NAALADL2: variants seen among roughly 807,000 people sequenced by gnomAD.
NAALADL2 encodes the protein N-acetylated alpha-linked acidic dipeptidase like 2.
A neutral mutation model predicts 87.2 loss-of-function variants in NAALADL2; 76 were observed. That is an observed-to-expected ratio of 0.87 (90% CI 0.72 to 1.05). The LOEUF (loss-of-function observed/expected upper bound fraction) is 1.05, where lower values mean the gene tolerates loss of function less well. NAALADL2 is among the 50% of genes least tolerant of loss of function. The pLI is 0.00. For synonymous variants in NAALADL2, 354 were observed against 331.0 expected (o/e 1.07, Z -0.75); for missense variants, 1,089 against 945.8 (o/e 1.15, Z -1.99).
chr3:175,078,582 C>T (rs180794659), intron 1 of NAALADL2, among the ~76,000 whole-genome samples: 2 of 152,132 alleles, frequency 1.3e-5, no homozygotes, highest in South Asian at 4.1e-4. Context: ...TACACTGTCA[C>T]TCCCCAATTT....
chr3:175,169,706 T>G (rs1025898555), intron 2 of NAALADL2, among the ~76,000 whole-genome samples: 2 of 151,764 alleles, frequency 1.3e-5, no homozygotes, highest in African/African-American at 2.4e-5. Flanking sequence ...TACTGCCAGT[T>G]TGGAAATATC....
chr3:175,530,890 AAAC>A (rs1734005605), intron 9 of NAALADL2, among the ~76,000 whole-genome samples: 1 of 152,200 alleles, frequency 6.6e-6, no homozygotes. Flanking sequence ...ACCCATAGTC[AAAC>A]ATTTAGTTTC....
chr3:175,488,680 C>T (rs1180401837), intron 9 of NAALADL2, among the ~76,000 whole-genome samples: 1 of 152,160 alleles, frequency 6.6e-6, no homozygotes, highest in Non-Finnish European at 1.5e-5. Context: ...TGAGATTGTG[C>T]TAAGGCCATA....
intron 5 of NAALADL2, among the ~76,000 whole-genome samples, chr3:175,360,965 C>G (rs1049881694): frequency 2.6e-5 from 4 of 151,670 alleles, no homozygotes; most frequent in Admixed American, 2.6e-4. Context: ...GTGTGCTGCA[C>G]CCATTAACTC....
At chr3:174,996,998 GT>G (rs1747566295) in intron 1 of NAALADL2, among the ~76,000 whole-genome samples, 2 of 48,724 alleles carry the variant, frequency 4.1e-5, no homozygotes, top group Non-Finnish European at 6.6e-5. Context: ...CAAGGGGTGT[GT>G]GTGTGTGTGT....
intron 2 of NAALADL2, among the ~76,000 whole-genome samples, chr3:175,202,823 C>G (rs1411237086): frequency 6.6e-6 from 1 of 152,000 alleles, no homozygotes. Context: ...AGTGAGGTTC[C>G]TATGTCAATG....
At chr3:174,894,992 A>C (rs569380031) in intron 1 of NAALADL2, among the ~76,000 whole-genome samples, 3 of 152,286 alleles carry the variant, frequency 2.0e-5, no homozygotes, top group South Asian at 2.1e-4. Context: ...TGATAATGAA[A>C]ATACAACATA....
At chr3:175,592,626 A>C (rs1295483838) in intron 10 of NAALADL2, among the ~76,000 whole-genome samples, 1 of 151,726 alleles carries the variant, frequency 6.6e-6, no homozygotes, top group Non-Finnish European at 1.5e-5. Context: ...ATTCTCAGTA[A>C]ACTATAGCAA....
Position 175,384,543 on chromosome 3 carries a change from G to A in NAALADL2, c.1090+60218G>A, listed in dbSNP as rs541264057. On this transcript the variant is annotated intron_variant, in intron 5 of 13. Coordinates refer to ENST00000454872, the MANE Select transcript of NAALADL2 (RefSeq NM_207015.3). ...ACTCATTGGATAACAAGAAAAAGTA[G>A]TCATACACTTTAGGCTTATATTTTG... Among the ~76,000 whole-genome samples the A allele has an allele frequency of 3.0e-3, 453 of 151,954 alleles. 1 individual carries two copies. Among genetic ancestry groups the A allele is most frequent in the Non-Finnish European group, 5.0e-3 (339 of 67,890 alleles).
intron 10 of NAALADL2, among the ~76,000 whole-genome samples, chr3:175,600,639 GC>G (rs1344911639): frequency 2.2e-5 from 3 of 137,374 alleles, no homozygotes; most frequent in African/African-American, 8.0e-5. Flanking sequence ...CCAGGTTCAC[GC>G]CATTCTCCTG....
chr3:175,217,871 A>G lies in NAALADL2; in HGVS notation c.546-16060A>G, dbSNP rs894901860. Among the ~76,000 whole-genome samples, 2 of 152,208 alleles carry G rather than the reference A, an allele frequency of 1.3e-5. 1 individual carries two copies. The highest frequency in any genetic ancestry group is 4.8e-5 in the African/African-American group (2 of 41,472). On this transcript the variant is annotated intron_variant, in intron 2 of 13. Coordinates refer to ENST00000454872, the MANE Select transcript of NAALADL2 (RefSeq NM_207015.3). The stretch of plus-strand genomic sequence containing the variant: ...ATTGGGGTTTGTGTTTGTTAGGAAC[A>G]TCTAGATGCATTGGCTGATGAGAGA...
At chr3:175,168,977 T>G (rs75133124) in intron 2 of NAALADL2, among the ~76,000 whole-genome samples, 1,550 of 151,870 alleles carry the variant, frequency 0.01, 25 homozygotes, top group African/African-American at 0.036. Context: ...CAAAACAGGA[T>G]AGCTGTACAG....
chr3:175,283,644 C>CT (rs1167733190), intron 4 of NAALADL2, among the ~76,000 whole-genome samples: 24 of 152,084 alleles, frequency 1.6e-4, no homozygotes, highest in Non-Finnish European at 2.6e-4. Context: ...CCTCACATTC[C>CT]ATACAACAAA....
rs756214274 is a variant in NAALADL2 at position 175,639,318 on chromosome 3, C to CTT, written c.1896+11951_1896+11952dup. Among the ~76,000 whole-genome samples, 51 of 108,710 alleles carry CTT rather than the reference C, an allele frequency of 4.7e-4. 1 individual carries two copies. The highest frequency in any genetic ancestry group is 1.0e-3 in the East Asian group (4 of 3,858). The allele number at this position is 108,710 out of a possible 152,430, so 71.3% of individuals were successfully genotyped here. ...GCAGTTTTTTTTCAAAAGCGTTATT[C>CTT]TTTTTTTTTTTTTTTTTTTTGAGAC... On this transcript the variant is annotated intron_variant, in intron 11 of 13. Transcript: ENST00000454872.
At chr3:175,425,393 C>G (rs1716601407) in intron 5 of NAALADL2, among the ~76,000 whole-genome samples, 1 of 152,148 alleles carries the variant, frequency 6.6e-6, no homozygotes, top group Non-Finnish European at 1.5e-5. Flanking sequence ...CTGCTACCAT[C>G]AAGCAGCATT....
chr3:175,417,523 TA>T (rs34472660), intron 5 of NAALADL2, among the ~76,000 whole-genome samples: 10,219 of 151,220 alleles, frequency 0.068, 783 homozygotes, highest in African/African-American at 0.18. Context: ...TAATGAGTTT[TA>T]AAAAAAAACA....
chr3:175,238,250 G>A (rs1372911673), intron 3 of NAALADL2, among the ~76,000 whole-genome samples: 2 of 152,030 alleles, frequency 1.3e-5, no homozygotes, highest in African/African-American at 4.8e-5. Flanking sequence ...CCATTTGTAA[G>A]TGTATTAAAA....
intron 1 of NAALADL2, among the ~76,000 whole-genome samples, chr3:174,882,616 TATGCATATATGTGCA>T (rs1729420371): frequency 6.8e-6 from 1 of 146,518 alleles, no homozygotes; most frequent in East Asian, 2.1e-4. Flanking sequence ...TATATGTGCA[TATGCATATATGTGCA>T]TATACACATA....
rs557078074 is a variant in NAALADL2, at chr3:174,893,317, C to T, written c.43+33867C>T. 9.1e-4 allele frequency among the ~76,000 whole-genome samples: 130 copies of T among 143,192 alleles called. 1 individual carries two copies. Among genetic ancestry groups the T allele is most frequent in the African/African-American group, 3.1e-3 (119 of 38,694 alleles). 93.9% of individuals were successfully genotyped at this position (143,192 alleles called of 152,430 possible). On this transcript the variant is annotated intron_variant, in intron 1 of 13. Transcript: ENST00000454872. ...ATCAAAGGGAGTACTTCAACCCCCC[C>T]CCGCAAAAAGTTATTATTGAGCAAT...
Sources: gnomAD v4.1 joint callset for allele counts (sites outside exome capture counted in the v4.1 genomes callset) on GRCh38, gnomAD v4.1.1 for gene constraint, MANE v1.5 for transcripts, NCBI Gene and HGNC (gene_info 2026-07-23, HGNC 2026-07-21) for gene names.